The following GPX3 variants were observed in gnomAD, a reference collection of about 807,000 sequenced individuals.
The protein encoded by GPX3 is glutathione peroxidase 3, also known as GPx-3.
A neutral mutation model predicts 25.1 loss-of-function variants in GPX3; 22 were observed. The observed-to-expected ratio is 0.88, with a 90% CI of 0.63 to 1.25. The LOEUF (loss-of-function observed/expected upper bound fraction) is 1.25, where lower values mean the gene tolerates loss of function less well. GPX3 is among the 50% of genes most tolerant of loss of function. GPX3 has a pLI of 0.00. For missense variants in GPX3, 278 were observed against 286.6 expected (o/e 0.97, Z 0.22); for synonymous variants, 110 against 114.5 (o/e 0.96, Z 0.25).
Position 151,020,689 on chromosome 5 carries a change from C to T in GPX3, c.35C>T (p.Ser12Phe), listed in dbSNP as rs1213179671. Residue 12 changes from serine to phenylalanine, a missense_variant, in exon 1 of 5, where the codon TCC becomes TTC. By Grantham distance (155) the Ser-to-Phe change is radical (BLOSUM62 -2). Transcript: ENST00000388825. ...CTGCTGCAGGCGTCCTGCCTGCTTT[C>T]CCTGCTCCTGGCCGGCTTCGTCTCG... ...ARLLQASCLLSLLLAGFVSQS... is the reference protein window; with the variant it reads ...ARLLQASCLLFLLLAGFVSQS... The T allele has an allele frequency of 3.7e-6, 6 of 1,611,898 alleles. No homozygotes were observed. Among genetic ancestry groups the T allele is most frequent in the South Asian group, 2.2e-5 (2 of 90,840 alleles).
rs1001360670 is a variant in GPX3, at chr5:151,022,751, G to A, written c.87+2010G>A. Among the ~76,000 whole-genome samples, 4 of 152,330 alleles carry A rather than the reference G, an allele frequency of 2.6e-5. No homozygotes were observed. In the East Asian group the frequency reaches 7.7e-4, roughly 29 times the overall value. ...ACAAAAGGACTGCAGAAGCCGGAAAGAGTGACAACTGCTGACGTGCACGGG... is the reference window on the plus strand; with the variant it reads ...ACAAAAGGACTGCAGAAGCCGGAAAAAGTGACAACTGCTGACGTGCACGGG... On this transcript the variant is annotated intron_variant, in intron 1 of 4. Coordinates refer to ENST00000388825, the MANE Select transcript of GPX3 (RefSeq NM_002084.5).
At position 151,027,461 on chromosome 5, in the gene GPX3, C is replaced by G. The variant is rs1756568115; in HGVS notation, c.389C>G (p.Pro130Arg). 6.2e-7 allele frequency: 1 copy of G among 1,613,716 alleles called. No individual in the cohort carries two copies. Among genetic ancestry groups the G allele is most frequent in the Non-Finnish European group, 8.5e-7 (1 of 1,179,692 alleles). ...GTCCGACCAGGTGGAGGCTTTGTCCCTAATTTCCAGCTCTTTGAGAAAGGG... is the reference window on the plus strand; with the variant it reads ...GTCCGACCAGGTGGAGGCTTTGTCCGTAATTTCCAGCTCTTTGAGAAAGGG... The part of the protein sequence containing the change: ...KYVRPGGGFV[P>R]NFQLFEKGDV... Residue 130 changes from proline (P) to arginine (R), a missense_variant, in exon 4 of 5, where the codon CCT (proline) becomes CGT (arginine). By Grantham distance (103) the Pro-to-Arg change is moderately radical (BLOSUM62 -2). Transcript: ENST00000388825.
chr5:151,025,614 C>A, intron 2 of GPX3, 121 bp downstream of exon 2: 2 of 798,812 alleles, frequency 2.5e-6, no homozygotes, highest in Non-Finnish European at 3.9e-6. Context: ...AGCCCCTTTT[C>A]TCAGCTCCAC....
At chr5:151,026,830 G>A (rs548645326) in intron 2 of GPX3, 70 bp from the exon 3 acceptor site, 1 of 1,097,732 alleles carries the variant, frequency 9.1e-7, no homozygotes, top group African/African-American at 1.6e-5. Context: ...GGTGAGCCGG[G>A]GGAGTGGTGT....
intron 1 of GPX3, 126 bp from the exon 2 acceptor site, chr5:151,025,214 G>C: frequency 1.4e-6 from 1 of 718,112 alleles, no homozygotes; most frequent in Non-Finnish European, 2.2e-6. Context: ...TGCTAGTCCA[G>C]TTCCAATTCT....
chr5:151,021,192 C>T (rs1388169511), intron 1 of GPX3: 2 of 235,742 alleles, frequency 8.5e-6, no homozygotes, highest in African/African-American at 2.4e-5. Context: ...AGAGAGGCAG[C>T]TGGGTGGTCC....
At chr5:151,022,330 A>G (rs3792797) in intron 1 of GPX3, among the ~76,000 whole-genome samples, 1 of 152,008 alleles carries the variant, frequency 6.6e-6, no homozygotes, top group Non-Finnish European at 1.5e-5. Flanking sequence ...TCTTCTCTGC[A>G]GCACTCTGGG....
chr5:151,025,363 T>C lies in GPX3; in HGVS notation c.111T>C (p.Ser37=). 2 of 1,601,374 alleles carry C rather than the reference T, an allele frequency of 1.2e-6. No homozygotes were observed. Among genetic ancestry groups the C allele is most frequent in the Non-Finnish European group, 1.7e-6 (2 of 1,173,038 alleles). The change falls in exon 2 of 5, where the codon AGT becomes AGC. Residue 37 remains serine (S), a synonymous_variant. Coordinates refer to ENST00000388825, the MANE Select transcript of GPX3 (RefSeq NM_002084.5). ...KSKMDCHGGI[S]GTIYEYGALT... is the part of the protein sequence containing the mutation. ...AGATGGACTGCCATGGTGGCATAAG[T>C]GGCACCATTTACGAGTACGGAGCCC... is the stretch of plus-strand genomic sequence containing the variant.
intron 4 of GPX3, 85 bp from the exon 5 acceptor site, chr5:151,027,824 C>T: frequency 8.7e-7 from 1 of 1,148,482 alleles, no homozygotes; most frequent in Non-Finnish European, 1.3e-6. Context: ...TTTCTCAGGG[C>T]CAGGCTATTC....
chr5:151,023,256 T>C (rs1039547888), intron 1 of GPX3, among the ~76,000 whole-genome samples: 1 of 152,098 alleles, frequency 6.6e-6, no homozygotes, highest in African/African-American at 2.4e-5. Context: ...CAGTGATCAG[T>C]GGTGAGCACA....
chr5:151,028,146 T>A lies in GPX3; in HGVS notation c.*16T>A. ...GAGGAAGTAACTGAAGGCCGTCTCA[T>A]CCCATGTCCACCATGTAGGGGAGGG... On this transcript the variant is annotated 3_prime_UTR_variant, in exon 5 of 5. Transcript: ENST00000388825. 6.4e-7 allele frequency: 1 copy of A among 1,551,500 alleles called. No homozygotes were observed. Among genetic ancestry groups the A allele is most frequent in the Non-Finnish European group, 8.7e-7 (1 of 1,145,196 alleles).
At chr5:151,020,916 C>T (rs1453377635) in intron 1 of GPX3, 175 bp downstream of exon 1, 12 of 696,020 alleles carry the variant, frequency 1.7e-5, no homozygotes, top group Non-Finnish European at 2.6e-5. Context: ...CCGCCCCCGA[C>T]CGTCGTCGTC....
At chr5:151,023,147 G>A (rs935479210) in intron 1 of GPX3, among the ~76,000 whole-genome samples, 39 of 152,086 alleles carry the variant, frequency 2.6e-4, no homozygotes, top group African/African-American at 9.2e-4. Context: ...GCACCCTCAT[G>A]GCCTCTCCCC....
At chr5:151,024,297 A>G (rs1254686065) in intron 1 of GPX3, among the ~76,000 whole-genome samples, 1 of 152,190 alleles carries the variant, frequency 6.6e-6, no homozygotes, top group Non-Finnish European at 1.5e-5. Context: ...CATCCTTTCA[A>G]GAATAGTCTC....
chr5:151,023,270 G>T (rs187061289), intron 1 of GPX3, among the ~76,000 whole-genome samples: 1 of 152,124 alleles, frequency 6.6e-6, no homozygotes, highest in African/African-American at 2.4e-5. Context: ...GAGCACAGCC[G>T]TGGCTCTCCA....
intron 1 of GPX3, among the ~76,000 whole-genome samples, chr5:151,024,820 A>T (rs1756523570): frequency 6.6e-6 from 1 of 152,056 alleles, no homozygotes; most frequent in African/African-American, 2.4e-5. Context: ...CCATGTCCAT[A>T]CGGCCTCTTC....
Position 151,028,567 on chromosome 5 carries a change from G to A in GPX3, c.*437G>A. 1 of 169,254 alleles carries A rather than the reference G, an allele frequency of 5.9e-6. No homozygotes were observed. The highest frequency in any genetic ancestry group is 2.4e-5 in the African/African-American group (1 of 41,886). The allele number at this position is 169,254 out of a possible 1,614,324, so 10.5% of individuals were successfully genotyped here. A position where few individuals can be genotyped will look rare whatever the true frequency, so the allele number is the denominator to read the frequency against. ...GCTCTAACTGATACCTCAACCTTGG[G>A]GCCAGCATCTCCCACTGCCTCCAAA... On this transcript the variant is annotated 3_prime_UTR_variant, in exon 5 of 5. Coordinates refer to ENST00000388825, the MANE Select transcript of GPX3 (RefSeq NM_002084.5).
chr5:151,027,311 T>C, intron 3 of GPX3, 121 bp from the exon 4 acceptor site: 2 of 696,468 alleles, frequency 2.9e-6, no homozygotes, highest in East Asian at 2.6e-5. Flanking sequence ...CACTGGCTCC[T>C]GCTGCCCACT....
chr5:151,027,375 C>G, intron 3 of GPX3, 57 bp from the exon 4 acceptor site: 1 of 1,122,074 alleles, frequency 8.9e-7, no homozygotes, highest in Non-Finnish European at 1.3e-6. Flanking sequence ...CCCTTCCTCT[C>G]ATTTCTGAGC....
Sources: allele counts gnomAD v4.1 joint callset (sites outside exome capture counted in the v4.1 genomes callset), GRCh38; gene constraint gnomAD v4.1.1; transcripts MANE v1.5; gene names NCBI Gene and HGNC (gene_info 2026-07-23, HGNC 2026-07-21).